SEPTIN10: variants seen among roughly 807,000 people sequenced by gnomAD.
The protein encoded by SEPTIN10 is septin-10.
In SEPTIN10, 66 loss-of-function variants were observed where a neutral mutation model predicts 54.8. The ratio of observed to expected loss-of-function variants is 1.21; its 90% CI spans 0.99 to 1.48. The LOEUF is 1.48. Ranked by LOEUF, SEPTIN10 falls within the 40% of genes most tolerant of loss-of-function variation. The pLI is 0.00. For synonymous variants in SEPTIN10, 161 were observed against 181.0 expected (o/e 0.89, Z 0.89); for missense variants, 620 against 545.6 (o/e 1.14, Z -1.36).
chr2:109,560,280 A>G (rs1022998065), intron 8 of SEPTIN10, among the ~76,000 whole-genome samples: 5 of 152,246 alleles, frequency 3.3e-5, no homozygotes, highest in African/African-American at 1.2e-4. Flanking sequence ...AAGAATTGTC[A>G]AGGAAGCACC....
intron 4 of SEPTIN10, among the ~76,000 whole-genome samples, chr2:109,579,546 G>A (rs984915882): frequency 4.6e-5 from 7 of 151,786 alleles, no homozygotes; most frequent in African/African-American, 7.3e-5. Context: ...ACCACGCCTG[G>A]CTAATTTTTG....
At chr2:109,551,609 T>C (rs1251364667) in intron 9 of SEPTIN10, among the ~76,000 whole-genome samples, 2 of 152,220 alleles carry the variant, frequency 1.3e-5, no homozygotes, top group African/African-American at 4.8e-5. Context: ...GGGAAGGACA[T>C]AGGTATCCTA....
chr2:109,574,846 G>T (rs1689297780), intron 4 of SEPTIN10, 79 bp from the exon 5 acceptor site: 1 of 1,031,344 alleles, frequency 9.7e-7, no homozygotes, highest in Non-Finnish European at 1.3e-6. Flanking sequence ...GAAGTTTGAG[G>T]TCTATATTTT....
chr2:109,606,082 T>G (rs1329975779), intron 1 of SEPTIN10, among the ~76,000 whole-genome samples: 1 of 152,130 alleles, frequency 6.6e-6, no homozygotes, highest in Non-Finnish European at 1.5e-5. Context: ...TCCAAAAAAC[T>G]AGAGATAACA....
intron 8 of SEPTIN10, among the ~76,000 whole-genome samples, chr2:109,553,636 T>A (rs1683642621): frequency 6.6e-6 from 1 of 151,754 alleles, no homozygotes; most frequent in Non-Finnish European, 1.5e-5. Flanking sequence ...GCAGATCACC[T>A]GAGGTCAGGA....
At chr2:109,599,631 T>C (rs1035231422) in intron 1 of SEPTIN10, among the ~76,000 whole-genome samples, 4 of 152,024 alleles carry the variant, frequency 2.6e-5, no homozygotes, top group Admixed American at 2.0e-4. Flanking sequence ...CATTATACCA[T>C]CAAACTCCAA....
chr2:109,547,124 A>T (rs775801499), intron 9 of SEPTIN10, among the ~76,000 whole-genome samples: 10 of 152,148 alleles, frequency 6.6e-5, no homozygotes, highest in Admixed American at 3.3e-4. Context: ...GGGCCTGGAG[A>T]CTGGTACCAG....
chr2:109,600,085 C>T (rs1338901519), intron 1 of SEPTIN10, among the ~76,000 whole-genome samples: 1 of 152,186 alleles, frequency 6.6e-6, no homozygotes, highest in Non-Finnish European at 1.5e-5. Context: ...AGACCACTTT[C>T]TCCCTAGGCA....
chr2:109,586,799 A>C (rs1692653581), intron 2 of SEPTIN10, among the ~76,000 whole-genome samples: 2 of 152,174 alleles, frequency 1.3e-5, no homozygotes, highest in Admixed American at 6.5e-5. Flanking sequence ...TTTTAGGAGT[A>C]AGGTCCATAA....
At chr2:109,611,260 G>A (rs1699192243) in intron 1 of SEPTIN10, among the ~76,000 whole-genome samples, 1 of 152,048 alleles carries the variant, frequency 6.6e-6, no homozygotes, top group Admixed American at 6.6e-5. Context: ...AAAATCTTTG[G>A]GATCTAAGGT....
At chr2:109,579,966 C>T (rs558925218) in intron 4 of SEPTIN10, among the ~76,000 whole-genome samples, 1 of 151,382 alleles carries the variant, frequency 6.6e-6, no homozygotes, top group East Asian at 2.0e-4. Flanking sequence ...ACTAAAAATA[C>T]AAAAATTAGC....
intron 6 of SEPTIN10, among the ~76,000 whole-genome samples, chr2:109,566,675 T>C (rs1038750682): frequency 1.4e-4 from 21 of 152,018 alleles, no homozygotes; most frequent in African/African-American, 4.8e-4. Flanking sequence ...GAGAGATCAC[T>C]AGGAGCAGGA....
chr2:109,602,106 C>T (rs1696720166), intron 1 of SEPTIN10, among the ~76,000 whole-genome samples: 2 of 152,136 alleles, frequency 1.3e-5, no homozygotes, highest in South Asian at 2.1e-4. Flanking sequence ...GTTCCAACAG[C>T]GGCACAGTAA....
intron 10 of SEPTIN10, 56 bp downstream of exon 10, chr2:109,545,994 A>C: frequency 2.0e-6 from 3 of 1,515,510 alleles, no homozygotes; most frequent in Non-Finnish European, 2.6e-6. Flanking sequence ...AAGATCCGAC[A>C]GGGCAATGTG....
At chr2:109,592,796 C>T (rs1466776276) in intron 2 of SEPTIN10, among the ~76,000 whole-genome samples, 2 of 149,900 alleles carry the variant, frequency 1.3e-5, no homozygotes, top group Non-Finnish European at 3.0e-5. Context: ...AAAAAGGAAA[C>T]GAAAAAAGAA....
chr2:109,544,179 C>A lies in SEPTIN10; in HGVS notation c.*130G>T. 1 of 1,589,956 alleles carries A rather than the reference C, an allele frequency of 6.3e-7. No individual in the cohort carries two copies. The highest frequency in any genetic ancestry group is 8.6e-7 in the Non-Finnish European group (1 of 1,168,528). On this transcript the variant is annotated 3_prime_UTR_variant, in exon 11 of 11. Coordinates refer to ENST00000397712, the MANE Select transcript of SEPTIN10 (RefSeq NM_144710.5). ...CTTGAAAGTACTTTTCCATAAATATCAGTAACTGTGGCTGTTCACCAAATA... is the reference window on the plus strand; with the variant it reads ...CTTGAAAGTACTTTTCCATAAATATAAGTAACTGTGGCTGTTCACCAAATA...
intron 1 of SEPTIN10, among the ~76,000 whole-genome samples, chr2:109,593,894 G>C (rs542823946): frequency 6.6e-6 from 1 of 152,070 alleles, no homozygotes; most frequent in Non-Finnish European, 1.5e-5. Flanking sequence ...CATATTACAC[G>C]TCCATATCAC....
intron 5 of SEPTIN10, among the ~76,000 whole-genome samples, chr2:109,572,709 TG>T (rs1688706151): frequency 6.8e-6 from 1 of 147,330 alleles, no homozygotes; most frequent in African/African-American, 2.5e-5. Flanking sequence ...CTCCGCCTCC[TG>T]GGTTCAAGCA....
chr2:109,568,090 C>T (rs543070725), intron 5 of SEPTIN10, 114 bp from the exon 6 acceptor site: 73 of 795,784 alleles, frequency 9.2e-5, no homozygotes, highest in African/African-American at 8.9e-4. Context: ...AAACCTAGAT[C>T]GGGGGGCTGG....
Sources: gnomAD v4.1 joint callset for allele counts (sites outside exome capture counted in the v4.1 genomes callset) on GRCh38, gnomAD v4.1.1 for gene constraint, MANE v1.5 for transcripts, NCBI Gene and HGNC (gene_info 2026-07-23, HGNC 2026-07-21) for gene names.